The following COL9A1 variants were observed in gnomAD, a reference collection of about 807,000 sequenced individuals.
COL9A1 encodes collagen type IX alpha 1 chain.
Under a neutral mutation model 142.6 loss-of-function variants are expected in COL9A1, and 104 were observed. The ratio of observed to expected loss-of-function variants is 0.73; its 90% CI spans 0.62 to 0.86. COL9A1 has a LOEUF of 0.86. Ranked by LOEUF, COL9A1 falls within the 40% of genes least tolerant of loss-of-function variation. The probability of loss-of-function intolerance (pLI) is 0.00; values close to 1 mark genes in which losing one functional copy is unlikely to be tolerated. For synonymous variants in COL9A1, 466 were observed against 396.0 expected (o/e 1.18, Z -2.10); for missense variants, 1,210 against 1,176.6 (o/e 1.03, Z -0.42).
At chr6:70,236,841 G>C (rs1769940496) in intron 33 of COL9A1, among the ~76,000 whole-genome samples, 1 of 149,900 alleles carries the variant, frequency 6.7e-6, no homozygotes. Context: ...TTTTTTTTGA[G>C]ATGGAGTTTT....
chr6:70,225,615 G>A (rs540216962), intron 37 of COL9A1, among the ~76,000 whole-genome samples: 1 of 151,738 alleles, frequency 6.6e-6, no homozygotes, highest in African/African-American at 2.4e-5. Flanking sequence ...ACTATCACCT[G>A]CTTTAGAAAT....
intron 2 of COL9A1, 65 bp downstream of exon 2, chr6:70,301,936 A>G: frequency 7.5e-7 from 1 of 1,341,688 alleles, no homozygotes; most frequent in Non-Finnish European, 1.1e-6. Context: ...TCAGTCAGCC[A>G]CAGCCCTGCC....
chr6:70,241,360 C>A, intron 31 of COL9A1, 59 bp downstream of exon 31: 1 of 1,358,012 alleles, frequency 7.4e-7, no homozygotes, highest in Non-Finnish European at 1.1e-6. Context: ...TTCCCCCTTG[C>A]TTGTGAAATG....
intron 37 of COL9A1, among the ~76,000 whole-genome samples, chr6:70,222,187 CAAT>C (rs1023201116): frequency 5.3e-5 from 8 of 152,142 alleles, no homozygotes; most frequent in African/African-American, 1.9e-4. Flanking sequence ...AAGGGAGCAA[CAAT>C]AATAACAGTT....
intron 28 of COL9A1, 125 bp from the exon 29 acceptor site, chr6:70,242,840 A>G (rs1185109734): frequency 2.5e-6 from 2 of 810,856 alleles, no homozygotes; most frequent in Non-Finnish European, 4.3e-6. Context: ...GCCATCCTAC[A>G]TAGTGCCTAC....
At chr6:70,294,059 C>T in intron 5 of COL9A1, 108 bp downstream of exon 5, 1 of 1,437,136 alleles carries the variant, frequency 7.0e-7, no homozygotes, top group Non-Finnish European at 9.8e-7. Flanking sequence ...ATTCCAAATT[C>T]CATCTGGGAC....
chr6:70,234,445 G>A, intron 35 of COL9A1, 94 bp downstream of exon 35: 1 of 1,314,682 alleles, frequency 7.6e-7, no homozygotes, highest in Non-Finnish European at 1.1e-6. Context: ...CACACAAAAA[G>A]TCACTCTTGT....
intron 21 of COL9A1, 93 bp downstream of exon 21, chr6:70,256,675 A>G: frequency 2.0e-6 from 2 of 987,570 alleles, no homozygotes; most frequent in Non-Finnish European, 3.1e-6. Context: ...TTCCACTTTA[A>G]TTATTCACAC....
At position 70,294,241 on chromosome 6, in the gene COL9A1, G is replaced by T. The variant is rs1328074218; in HGVS notation, c.622C>A (p.Pro208Thr). ...CNRIESLPIK[P>T]RGPIDIDGFA... is the part of the protein sequence containing the mutation. ...CCATCAATGTCAATTGGGCCTCTTG[G>T]CTTTATAGGTAAAGATTCAATCCTG... Residue 208 changes from proline to threonine, a missense_variant, in exon 5 of 38, where the codon CCA becomes ACA. Coordinates refer to ENST00000357250, the MANE Select transcript of COL9A1 (RefSeq NM_001851.6). 1.2e-6 allele frequency: 2 copies of T among 1,613,946 alleles called. No homozygotes were observed. Among genetic ancestry groups the T allele is most frequent in the African/African-American group, 2.7e-5 (2 of 74,898 alleles).
intron 35 of COL9A1, 25 bp from the exon 36 acceptor site, chr6:70,232,796 C>T (rs1227686674): frequency 6.3e-7 from 1 of 1,590,914 alleles, no homozygotes; most frequent in South Asian, 1.1e-5. Flanking sequence ...ACAAAACAAC[C>T]CAGAAGTGTC....
At chr6:70,231,038 A>T (rs1769507536) in intron 36 of COL9A1, among the ~76,000 whole-genome samples, 1 of 152,134 alleles carries the variant, frequency 6.6e-6, no homozygotes. Flanking sequence ...ATTGCTCCAC[A>T]CCAGGTGCAG....
intron 10 of COL9A1, among the ~76,000 whole-genome samples, chr6:70,276,044 GA>G (rs1232244742): frequency 1.3e-5 from 2 of 151,788 alleles, no homozygotes; most frequent in Non-Finnish European, 2.9e-5. Flanking sequence ...GAATCAAATA[GA>G]AAAAAATGAG....
chr6:70,263,147 C>T (rs1771798982), intron 19 of COL9A1, 97 bp downstream of exon 19: 12 of 952,944 alleles, frequency 1.3e-5, no homozygotes, highest in Non-Finnish European at 1.8e-5. Flanking sequence ...TCATGTAATG[C>T]TATTCATCCA....
chr6:70,227,247 TA>T (rs1042159107), intron 36 of COL9A1, among the ~76,000 whole-genome samples: 22 of 151,848 alleles, frequency 1.4e-4, no homozygotes, highest in African/African-American at 3.1e-4. Flanking sequence ...TTGGCCTTTT[TA>T]TTAAGATTCA....
Position 70,302,940 on chromosome 6 carries a change from TC to T in COL9A1, c.-17del, listed in dbSNP as rs746178639. 1.2e-6 allele frequency: 2 copies of T among 1,612,890 alleles called. No homozygotes were observed. The highest frequency in any genetic ancestry group is 2.7e-5 in the African/African-American group (2 of 74,032). ...AGGTCTTCATTTTCCCAGTTGATTT[TC>T]TTTGTTTGCCAACAGTCCCTATGAA... On this transcript the variant is annotated 5_prime_UTR_variant, in exon 1 of 38. Transcript: ENST00000357250.
chr6:70,295,358 CT>C lies in COL9A1; in HGVS notation c.300-796del, dbSNP rs1238515228. ...CTGGAGTGCAATGGCGCCATCTCAG[CT>C]CACTGCAACCTCCACCTCCTGGGTT... is the stretch of plus-strand genomic sequence containing the variant. On this transcript the variant is annotated intron_variant, in intron 4 of 37. Transcript: ENST00000357250. 1.6e-4 allele frequency among the ~76,000 whole-genome samples: 23 copies of C among 141,812 alleles called. No individual in the cohort carries two copies. In the Admixed American group the frequency reaches 1.7e-3, roughly 10 times the overall value. 93.0% of individuals were successfully genotyped at this position (141,812 alleles called of 152,430 possible).
At position 70,294,020 on chromosome 6, in the gene COL9A1, A is replaced by G. The variant is rs544390746; in HGVS notation, c.696+147T>C. 2.2e-5 allele frequency: 24 copies of G among 1,101,014 alleles called. No individual in the cohort carries two copies. The African/African-American group carries it at 3.5e-4, about 16-fold the overall frequency. The allele number at this position is 1,101,014 out of a possible 1,614,324, so 68.2% of individuals were successfully genotyped here. On this transcript the variant is annotated intron_variant, in intron 5 of 37. Transcript: ENST00000357250. ...ACTTTCCAACTTTAAGCTCCTCAAG[A>G]CCAGAAGCTATCTACTTAACTTCCT... is the stretch of plus-strand genomic sequence containing the variant.
At chr6:70,285,415 G>C (rs993666923) in intron 5 of COL9A1, among the ~76,000 whole-genome samples, 2 of 152,188 alleles carry the variant, frequency 1.3e-5, no homozygotes, top group African/African-American at 4.8e-5. Flanking sequence ...AGAGTGCCTT[G>C]GTAAAAGTCA....
intron 16 of COL9A1, among the ~76,000 whole-genome samples, chr6:70,269,205 T>A (rs182560287): frequency 6.6e-6 from 1 of 152,296 alleles, no homozygotes; most frequent in East Asian, 1.9e-4. Flanking sequence ...ATGACAGGAT[T>A]CATTTCCCCT....
Sources: allele counts gnomAD v4.1 joint callset (sites outside exome capture counted in the v4.1 genomes callset), GRCh38; gene constraint gnomAD v4.1.1; transcripts MANE v1.5; gene names NCBI Gene and HGNC (gene_info 2026-07-23, HGNC 2026-07-21).